Variants in MAN2A1 observed in about 807,000 individuals in gnomAD.
The protein encoded by MAN2A1 is alpha-mannosidase 2.
Under a neutral mutation model 142.6 loss-of-function variants are expected in MAN2A1, and 76 were observed. The observed-to-expected ratio is 0.53, with a 90% CI of 0.44 to 0.65. The LOEUF is 0.65. Ranked by LOEUF, MAN2A1 falls within the 30% of genes least tolerant of loss-of-function variation. The pLI is 0.00. For synonymous variants in MAN2A1, 559 were observed against 473.2 expected (o/e 1.18, Z -2.35); for missense variants, 1,311 against 1,365.1 (o/e 0.96, Z 0.62).
chr5:109,840,555 G>A (rs918945678), intron 16 of MAN2A1: 15 of 507,102 alleles, frequency 3.0e-5, no homozygotes, highest in Admixed American at 2.8e-4. Flanking sequence ...CCTCCAATAA[G>A]GCTGTCTCCT....
intron 4 of MAN2A1, among the ~76,000 whole-genome samples, chr5:109,732,851 T>C (rs1751958194): frequency 6.6e-6 from 1 of 152,008 alleles, no homozygotes; most frequent in Non-Finnish European, 1.5e-5. Flanking sequence ...TGCGGGCTCT[T>C]TTTTGGTTCC....
intron 4 of MAN2A1, among the ~76,000 whole-genome samples, chr5:109,731,377 ATAC>A (rs1340374726): frequency 1.0e-3 from 52 of 50,354 alleles, no homozygotes; most frequent in African/African-American, 1.2e-3. Context: ...TATTATTATT[ATAC>A]TTTAAGTTTT....
At chr5:109,731,931 C>T (rs1320125695) in intron 4 of MAN2A1, among the ~76,000 whole-genome samples, 5 of 150,812 alleles carry the variant, frequency 3.3e-5, no homozygotes, top group Admixed American at 6.6e-5. Flanking sequence ...CCTGAGGAAT[C>T]GCCACACTGA....
chr5:109,814,623 A>G (rs548723069), intron 12 of MAN2A1, among the ~76,000 whole-genome samples: 1 of 152,228 alleles, frequency 6.6e-6, no homozygotes, highest in African/African-American at 2.4e-5. Context: ...TGATAATTAC[A>G]TAATCATTCA....
chr5:109,716,385 A>T, intron 3 of MAN2A1, 121 bp downstream of exon 3: 1 of 709,460 alleles, frequency 1.4e-6, no homozygotes, highest in Non-Finnish European at 2.3e-6. Flanking sequence ...CTGACTTTTA[A>T]CATTAATATA....
chr5:109,781,745 T>C (rs1313806584), intron 9 of MAN2A1, 147 bp downstream of exon 9: 2 of 442,478 alleles, frequency 4.5e-6, no homozygotes. Context: ...TTGTGAAATT[T>C]TAATGCAATC....
chr5:109,817,876 C>A (rs1580283166), intron 13 of MAN2A1, among the ~76,000 whole-genome samples: 1 of 151,990 alleles, frequency 6.6e-6, no homozygotes, highest in East Asian at 1.9e-4. Context: ...CATAACACAC[C>A]ATGGAAGAGA....
At chr5:109,832,283 A>G (rs972458543) in intron 16 of MAN2A1, among the ~76,000 whole-genome samples, 3 of 150,522 alleles carry the variant, frequency 2.0e-5, no homozygotes, top group African/African-American at 7.3e-5. Flanking sequence ...AAACATGTGA[A>G]CAAGGGTCTC....
At chr5:109,840,276 G>A (rs918881012) in intron 16 of MAN2A1, 6 of 289,322 alleles carry the variant, frequency 2.1e-5, no homozygotes, top group Admixed American at 4.1e-5. Flanking sequence ...TCATATTTTC[G>A]TCTAAAGTGT....
Position 109,819,901 on chromosome 5 carries a change from A to T in MAN2A1, c.2328+14A>T. ...GGACTTATGAAGGTATGTTCTGAAT[A>T]GTTCTAAAATTCATAGAATGCTTAT... On this transcript the variant is annotated intron_variant, in intron 14 of 21. Coordinates refer to ENST00000261483, the MANE Select transcript of MAN2A1 (RefSeq NM_002372.4). 1.3e-6 allele frequency: 2 copies of T among 1,502,768 alleles called. No individual in the cohort carries two copies. Among genetic ancestry groups the T allele is most frequent in the Non-Finnish European group, 1.8e-6 (2 of 1,113,528 alleles). The allele number at this position is 1,502,768 out of a possible 1,614,324, so 93.1% of individuals were successfully genotyped here.
At chr5:109,721,987 G>A (rs946024730) in intron 3 of MAN2A1, among the ~76,000 whole-genome samples, 1 of 152,168 alleles carries the variant, frequency 6.6e-6, no homozygotes, top group Non-Finnish European at 1.5e-5. Context: ...TCCCTTCATA[G>A]ATGTGGGAGA....
At chr5:109,728,779 G>A (rs1324724031) in intron 3 of MAN2A1, among the ~76,000 whole-genome samples, 2 of 152,136 alleles carry the variant, frequency 1.3e-5, no homozygotes, top group Admixed American at 6.5e-5. Flanking sequence ...ACAAATGCCT[G>A]TATTTTGCAG....
intron 16 of MAN2A1, among the ~76,000 whole-genome samples, chr5:109,841,728 A>T (rs1755210704): frequency 6.6e-6 from 1 of 152,238 alleles, no homozygotes; most frequent in Non-Finnish European, 1.5e-5. Context: ...CTAAGAGATA[A>T]CTAAACTCAA....
At chr5:109,819,478 GT>G (rs1176445738) in intron 13 of MAN2A1, among the ~76,000 whole-genome samples, 190 bp from the exon 14 acceptor site, 6 of 148,222 alleles carry the variant, frequency 4.0e-5, no homozygotes, top group South Asian at 2.2e-4. Context: ...TTTGTTTTTT[GT>G]TTTTTTTTCA....
intron 7 of MAN2A1, among the ~76,000 whole-genome samples, chr5:109,771,217 A>T (rs1043348745): frequency 6.6e-6 from 1 of 152,226 alleles, no homozygotes; most frequent in South Asian, 2.1e-4. Flanking sequence ...TCACTTAAAA[A>T]TTAGTAGTGT....
intron 5 of MAN2A1, among the ~76,000 whole-genome samples, chr5:109,760,444 A>T (rs765018575): frequency 6.6e-6 from 1 of 152,202 alleles, no homozygotes; most frequent in African/African-American, 2.4e-5. Flanking sequence ...CAATAAACAT[A>T]CATGTGCATG....
intron 3 of MAN2A1, among the ~76,000 whole-genome samples, chr5:109,727,411 C>T (rs1055008612): frequency 1.3e-5 from 2 of 152,006 alleles, no homozygotes; most frequent in South Asian, 4.1e-4. Flanking sequence ...AGGATTAGGG[C>T]GTATCTTCAT....
At chr5:109,861,609 T>G (rs897940811) in intron 20 of MAN2A1, among the ~76,000 whole-genome samples, 4 of 152,190 alleles carry the variant, frequency 2.6e-5, no homozygotes, top group African/African-American at 7.2e-5. Context: ...GTAGGCAATA[T>G]TTTCATCCCA....
At chr5:109,705,909 T>G (rs1751117551) in intron 1 of MAN2A1, among the ~76,000 whole-genome samples, 1 of 152,232 alleles carries the variant, frequency 6.6e-6, no homozygotes, top group South Asian at 2.1e-4. Flanking sequence ...TCCATTTTCC[T>G]CTTTTCCTTA....
Sources: gnomAD v4.1 joint callset for allele counts (sites outside exome capture counted in the v4.1 genomes callset) on GRCh38, gnomAD v4.1.1 for gene constraint, MANE v1.5 for transcripts, NCBI Gene and HGNC (gene_info 2026-07-23, HGNC 2026-07-21) for gene names.